Variants in RBFOX1 observed in about 807,000 individuals in gnomAD.
The protein encoded by RBFOX1 is RNA binding fox-1 homolog 1, also known as RNA binding protein fox-1 homolog 1.
Under a neutral mutation model 57.7 loss-of-function variants are expected in RBFOX1, and 8 were observed. The observed-to-expected ratio is 0.14, with a 90% CI of 0.08 to 0.25. The LOEUF is 0.25. Among genes scored for constraint, RBFOX1 ranks in the 10% least tolerant of loss-of-function variants. The probability of loss-of-function intolerance (pLI) is 1.00; values close to 1 mark genes in which losing one functional copy is unlikely to be tolerated. For synonymous variants in RBFOX1, 326 were observed against 222.4 expected (o/e 1.47, Z -4.15); for missense variants, 611 against 548.5 (o/e 1.11, Z -1.14).
chr16:7,432,914 C>G (rs1567141552), intron 4 of RBFOX1, among the ~76,000 whole-genome samples: 1 of 152,198 alleles, frequency 6.6e-6, no homozygotes, highest in Non-Finnish European at 1.5e-5. Context: ...TATGGTGTTG[C>G]CCCAGAGGAT....
chr16:7,426,347 G>C (rs910995614), intron 4 of RBFOX1, among the ~76,000 whole-genome samples: 3 of 152,298 alleles, frequency 2.0e-5, no homozygotes, highest in Admixed American at 2.0e-4. Flanking sequence ...GGAGTTGCCA[G>C]TCACCACTTA....
In RBFOX1 at chr16:5,795,294, C is replaced by G. The variant is rs552358448; in HGVS notation, c.319-72009C>G. On this transcript the variant is annotated intron_variant, in intron 3 of 19. Coordinates refer to the RBFOX1 transcript ENST00000641259. Reference sequence around the variant, plus strand: ...ATCTGTTCCACCTTATTGTCTTCCACTTCTTCCTTCTTCTTTTTTTTTTTC... The same window carrying G: ...ATCTGTTCCACCTTATTGTCTTCCAGTTCTTCCTTCTTCTTTTTTTTTTTC... Among the ~76,000 whole-genome samples the G allele has an allele frequency of 9.3e-4, 141 of 151,936 alleles. 2 individuals are homozygous for G. Among genetic ancestry groups the G allele is most frequent in the African/African-American group, 3.1e-3 (130 of 41,450 alleles).
chr16:7,035,901 T>A (rs886357896), intron 3 of RBFOX1, among the ~76,000 whole-genome samples: 1 of 150,330 alleles, frequency 6.7e-6, no homozygotes, highest in Non-Finnish European at 1.5e-5. Context: ...CACACACACA[T>A]ATACAGAGCA....
chr16:7,023,919 A>G (rs1303779125), intron 3 of RBFOX1, among the ~76,000 whole-genome samples: 2 of 152,188 alleles, frequency 1.3e-5, no homozygotes, highest in African/African-American at 4.8e-5. Flanking sequence ...AAAACAAGGA[A>G]GACTCCCTGC....
At chr16:6,735,812 A>C (rs878900660) in intron 3 of RBFOX1, among the ~76,000 whole-genome samples, 4 of 152,302 alleles carry the variant, frequency 2.6e-5, no homozygotes, top group South Asian at 4.1e-4. Flanking sequence ...GAACACAGAC[A>C]TGAGGAAATG....
rs71145205 is a variant in RBFOX1 at position 6,253,699 on chromosome 16, G to GTGTGTGTGTGTA, written c.-126-63295_-126-63294insGTGTGTGTGTAT. ...CATGTGTGTGTGTGTGTGTGTGTGT[G>GTGTGTGTGTGTA]TATATATATATATATGTACCTATAC... On this transcript the variant is annotated intron_variant, in intron 1 of 15. Coordinates refer to ENST00000550418, the MANE Select transcript of RBFOX1 (RefSeq NM_018723.4). Among the ~76,000 whole-genome samples the GTGTGTGTGTGTA allele has an allele frequency of 2.3e-3, 322 of 142,486 alleles. 3 individuals carry two copies. The highest frequency in any genetic ancestry group is 1.7e-3 in the Non-Finnish European group (110 of 65,356). 93.5% of individuals were successfully genotyped at this position (142,486 alleles called of 152,430 possible). A position where few individuals can be genotyped will look rare whatever the true frequency, so the allele number is the denominator to read the frequency against.
intron 3 of RBFOX1, among the ~76,000 whole-genome samples, chr16:6,776,849 G>C (rs11860978): frequency 0.75 from 113,463 of 152,214 alleles, 43,607 homozygotes; most frequent in East Asian, 0.92. Context: ...TTTTTTCTTC[G>C]TAGCATTGTG....
At chr16:6,682,024 C>G (rs983801674) in intron 3 of RBFOX1, among the ~76,000 whole-genome samples, 2 of 152,190 alleles carry the variant, frequency 1.3e-5, no homozygotes, top group Admixed American at 6.5e-5. Context: ...CACCCTTACT[C>G]CTGACTGAGA....
chr16:7,202,409 G>A (rs1415094441), intron 4 of RBFOX1, among the ~76,000 whole-genome samples: 1 of 151,882 alleles, frequency 6.6e-6, no homozygotes, highest in African/African-American at 2.4e-5. Flanking sequence ...TGCTGTGGAA[G>A]ACAGCATGGA....
At chr16:5,919,595 C>A (rs1179386355) in intron 4 of RBFOX1, among the ~76,000 whole-genome samples, 1 of 152,108 alleles carries the variant, frequency 6.6e-6, no homozygotes, top group African/African-American at 2.4e-5. Flanking sequence ...CCGCATGCCT[C>A]GGCCTCCCAA....
intron 3 of RBFOX1, among the ~76,000 whole-genome samples, chr16:5,793,161 C>A (rs1304362639): frequency 6.6e-6 from 1 of 152,296 alleles, no homozygotes; most frequent in Non-Finnish European, 1.5e-5. Context: ...GCTGGTCTCA[C>A]TTTTCTCTAA....
chr16:6,889,511 T>G (rs1322023427), intron 3 of RBFOX1, among the ~76,000 whole-genome samples: 1 of 152,192 alleles, frequency 6.6e-6, no homozygotes, highest in Non-Finnish European at 1.5e-5. Flanking sequence ...AGCTGTGTGT[T>G]GGGTTCTTCG....
chr16:6,008,369 G>C (rs1374060247), intron 4 of RBFOX1, among the ~76,000 whole-genome samples: 2 of 152,100 alleles, frequency 1.3e-5, no homozygotes, highest in Admixed American at 6.5e-5. Context: ...AGAAATAGCA[G>C]CTGGGATCCA....
intron 4 of RBFOX1, among the ~76,000 whole-genome samples, chr16:5,998,836 T>C (rs1317158440): frequency 6.6e-6 from 1 of 152,212 alleles, no homozygotes; most frequent in African/African-American, 2.4e-5. Context: ...AATTCACGTG[T>C]CATATTGCAG....
In RBFOX1 at chr16:7,712,670, A is replaced by C. The variant is rs925632797; in HGVS notation, c.*1925A>C. The C allele has an allele frequency of 6.6e-6, 1 of 152,282 alleles. No individual in the cohort carries two copies. The allele number at this position is 152,282 out of a possible 1,614,324, so 9.4% of individuals were successfully genotyped here. A position where few individuals can be genotyped will look rare whatever the true frequency, so the allele number is the denominator to read the frequency against. ...GAGGGTGTTTTATAGCATCACTAAG[A>C]CATTCTCATTCCCCCACCTGGAAAA... On this transcript the variant is annotated 3_prime_UTR_variant, in exon 16 of 16. Transcript: ENST00000550418.
chr16:7,491,561 T>C (rs933177819), intron 4 of RBFOX1, among the ~76,000 whole-genome samples: 3 of 151,654 alleles, frequency 2.0e-5, no homozygotes, highest in Non-Finnish European at 4.4e-5. Flanking sequence ...AGGCAATCTT[T>C]TGAATTAGTT....
intron 1 of RBFOX1, among the ~76,000 whole-genome samples, chr16:6,021,594 C>G (rs1039069429): frequency 8.5e-5 from 13 of 152,228 alleles, no homozygotes; most frequent in African/African-American, 1.4e-4. Flanking sequence ...TGGAAGAATC[C>G]CCTGGGCTTT....
intron 4 of RBFOX1, among the ~76,000 whole-genome samples, chr16:5,981,551 C>G (rs529191682): frequency 3.0e-4 from 46 of 152,280 alleles, no homozygotes; most frequent in African/African-American, 1.1e-3. Flanking sequence ...TCACTGCAGC[C>G]TCCGCCTCCC....
chr16:5,276,321 C>G (rs963743114), intron 1 of RBFOX1, among the ~76,000 whole-genome samples: 6 of 152,024 alleles, frequency 3.9e-5, no homozygotes, highest in African/African-American at 1.4e-4. Flanking sequence ...ACAGGGAACT[C>G]TAATCAGCAA....
Sources: allele counts gnomAD v4.1 joint callset (sites outside exome capture counted in the v4.1 genomes callset), GRCh38; gene constraint gnomAD v4.1.1; transcripts MANE v1.5; gene names NCBI Gene and HGNC (gene_info 2026-07-23, HGNC 2026-07-21).